The following CAMK1D variants were observed in gnomAD, a reference collection of about 807,000 sequenced individuals.
CAMK1D encodes the protein calcium/calmodulin-dependent protein kinase type 1D.
A neutral mutation model predicts 47.7 loss-of-function variants in CAMK1D; 9 were observed. The ratio of observed to expected loss-of-function variants is 0.19; its 90% CI spans 0.11 to 0.33. CAMK1D has a LOEUF of 0.33. CAMK1D is among the 10% of genes least tolerant of loss of function. The pLI is 1.00. For synonymous variants in CAMK1D, 184 were observed against 184.9 expected (o/e 0.99, Z 0.04); for missense variants, 291 against 488.7 (o/e 0.60, Z 3.81).
intron 1 of CAMK1D, among the ~76,000 whole-genome samples, chr10:12,457,797 A>G (rs796429123): frequency 0.012 from 1,784 of 151,630 alleles, 37 homozygotes; most frequent in African/African-American, 0.041. Flanking sequence ...AAAAAAAAAA[A>G]AAAGAAAGAT....
intron 5 of CAMK1D, among the ~76,000 whole-genome samples, 161 bp from the exon 6 acceptor site, chr10:12,790,997 C>G (rs1231818091): frequency 8.2e-6 from 1 of 122,644 alleles, no homozygotes. Flanking sequence ...CCCTATCTTC[C>G]TTCCTTTAAA....
intron 2 of CAMK1D, among the ~76,000 whole-genome samples, chr10:12,618,537 C>T (rs1175490528): frequency 2.0e-5 from 3 of 152,094 alleles, no homozygotes; most frequent in Admixed American, 1.3e-4. Flanking sequence ...TTCAAAGACT[C>T]GTGGGGGGAT....
chr10:12,369,528 G>A (rs1837945838), intron 1 of CAMK1D, among the ~76,000 whole-genome samples: 1 of 152,186 alleles, frequency 6.6e-6, no homozygotes, highest in Non-Finnish European at 1.5e-5. Flanking sequence ...AGTGAGCTGG[G>A]CTGTTGCCTA....
intron 2 of CAMK1D, among the ~76,000 whole-genome samples, chr10:12,646,594 TA>T (rs1235982279): frequency 6.6e-6 from 1 of 152,070 alleles, no homozygotes; most frequent in Admixed American, 6.5e-5. Flanking sequence ...CCTTGTAAAA[TA>T]GGGATAATAG....
intron 1 of CAMK1D, among the ~76,000 whole-genome samples, chr10:12,421,594 G>A (rs1840054011): frequency 8.1e-6 from 1 of 123,048 alleles, no homozygotes; most frequent in Non-Finnish European, 1.6e-5. Flanking sequence ...GGTGCAATCT[G>A]GACTCACTAC....
In CAMK1D at chr10:12,831,685, T is replaced by G. The variant is rs1564597437; in HGVS notation, c.*2798T>G. 6.6e-6 allele frequency: 1 copy of G among 152,330 alleles called. No individual in the cohort carries two copies. Among genetic ancestry groups the G allele is most frequent in the East Asian group, 1.9e-4 (1 of 5,184 alleles). The allele number at this position is 152,330 out of a possible 1,614,324, so 9.4% of individuals were successfully genotyped here. ...CAACATCGTGCGAGGAGACAGTGAC[T>G]GGTTTCAGCCCAAGAGTCAACTGTT... is the stretch of plus-strand genomic sequence containing the variant. On this transcript the variant is annotated 3_prime_UTR_variant, in exon 11 of 11. Coordinates refer to ENST00000619168, the MANE Select transcript of CAMK1D (RefSeq NM_153498.4).
chr10:12,750,699 T>A (rs2130873969), intron 3 of CAMK1D, among the ~76,000 whole-genome samples: 1 of 152,230 alleles, frequency 6.6e-6, no homozygotes, highest in East Asian at 1.9e-4. Context: ...GAATGATGAA[T>A]GAATGAATGA....
At chr10:12,627,690 TTCATGC>T (rs1839261646) in intron 2 of CAMK1D, among the ~76,000 whole-genome samples, 1 of 152,246 alleles carries the variant, frequency 6.6e-6, no homozygotes, top group Admixed American at 6.5e-5. Flanking sequence ...TTGAGCTTCA[TTCATGC>T]TGTTGGGATT....
In CAMK1D at chr10:12,563,700, G is replaced by GAGAGAGAGAGAGAGAGAGAGAGAGA. The variant is rs1564414542; in HGVS notation, c.224+10344_224+10345insAGAGAGAGAGAGAGAGAGAGAGAGA. Among the ~76,000 whole-genome samples the GAGAGAGAGAGAGAGAGAGAGAGAGA allele has an allele frequency of 1.2e-4, 10 of 85,254 alleles. 1 individual carries two copies. Among genetic ancestry groups the GAGAGAGAGAGAGAGAGAGAGAGAGA allele is most frequent in the Non-Finnish European group, 2.2e-4 (9 of 40,344 alleles). The allele number at this position is 85,254 out of a possible 152,430, so 55.9% of individuals were successfully genotyped here. ...GAGAGAGAGAGAGAGAGAGAGAGAG[G>GAGAGAGAGAGAGAGAGAGAGAGAGA]GAGAGAGAGGGAGAGAGAGAATGAG... On this transcript the variant is annotated intron_variant, in intron 2 of 10. Transcript: ENST00000619168.
chr10:12,696,064 G>T (rs1833283641), intron 3 of CAMK1D, among the ~76,000 whole-genome samples: 1 of 151,744 alleles, frequency 6.6e-6, no homozygotes, highest in South Asian at 2.1e-4. Flanking sequence ...GGTCCAGCCT[G>T]GGCAACAAGA....
intron 1 of CAMK1D, among the ~76,000 whole-genome samples, chr10:12,457,675 G>C (rs1322594663): frequency 1.3e-5 from 2 of 151,676 alleles, no homozygotes. Context: ...CAGCTACTTG[G>C]GAGGCTGAGG....
At chr10:12,585,409 A>G (rs1837786013) in intron 2 of CAMK1D, among the ~76,000 whole-genome samples, 1 of 152,208 alleles carries the variant, frequency 6.6e-6, no homozygotes, top group African/African-American at 2.4e-5. Context: ...CTCAAATGCA[A>G]TGACCAAGTA....
At chr10:12,375,651 G>A (rs1053124000) in intron 1 of CAMK1D, among the ~76,000 whole-genome samples, 2 of 152,158 alleles carry the variant, frequency 1.3e-5, no homozygotes, top group Admixed American at 6.5e-5. Context: ...CCTTCCATTT[G>A]TTGGGTATCC....
At chr10:12,817,526 T>A (rs897403613) in intron 8 of CAMK1D, among the ~76,000 whole-genome samples, 1 of 152,168 alleles carries the variant, frequency 6.6e-6, no homozygotes, top group Non-Finnish European at 1.5e-5. Context: ...CGATGCTAGG[T>A]TTACACTTGA....
intron 1 of CAMK1D, among the ~76,000 whole-genome samples, chr10:12,537,865 G>A (rs1194958249): frequency 2.6e-5 from 4 of 152,108 alleles, no homozygotes; most frequent in Non-Finnish European, 5.9e-5. Context: ...CCCCTAAAAT[G>A]TTCCAACATT....
chr10:12,703,715 A>T (rs1350718362), intron 3 of CAMK1D, among the ~76,000 whole-genome samples: 1 of 152,118 alleles, frequency 6.6e-6, no homozygotes, highest in South Asian at 2.1e-4. Flanking sequence ...CTGAAAATAC[A>T]AAAATTAACC....
chr10:12,562,670 C>G (rs1418248296), intron 2 of CAMK1D, among the ~76,000 whole-genome samples: 1 of 152,164 alleles, frequency 6.6e-6, no homozygotes, highest in Non-Finnish European at 1.5e-5. Flanking sequence ...TGACACACAC[C>G]TCCTTCAGGA....
chr10:12,767,201 G>C (rs1235178870), intron 4 of CAMK1D, among the ~76,000 whole-genome samples: 3 of 152,144 alleles, frequency 2.0e-5, no homozygotes, highest in Admixed American at 1.3e-4. Context: ...TTTTGAGACA[G>C]AGTTTCACTC....
At chr10:12,497,825 G>A (rs1239330274) in intron 1 of CAMK1D, among the ~76,000 whole-genome samples, 1 of 152,196 alleles carries the variant, frequency 6.6e-6, no homozygotes, top group Non-Finnish European at 1.5e-5. Flanking sequence ...GTGGGATAGA[G>A]AAATGTATTA....
Sources: gnomAD v4.1 joint callset for allele counts (sites outside exome capture counted in the v4.1 genomes callset) on GRCh38, gnomAD v4.1.1 for gene constraint, MANE v1.5 for transcripts, NCBI Gene and HGNC (gene_info 2026-07-23, HGNC 2026-07-21) for gene names.